Variants in CDC14B observed in about 807,000 individuals in gnomAD.
The protein encoded by CDC14B is cell division cycle 14B.
CDC14B carries 22 observed loss-of-function variants against 64.2 expected under a neutral mutation model. The observed-to-expected ratio is 0.34, with a 90% CI of 0.24 to 0.49. The LOEUF is 0.49. Among genes scored for constraint, CDC14B ranks in the 20% least tolerant of loss-of-function variants. The pLI is 0.99. For synonymous variants in CDC14B, 191 were observed against 215.8 expected (o/e 0.89, Z 1.01); for missense variants, 498 against 629.9 (o/e 0.79, Z 2.24).
At position 96,503,241 on chromosome 9, in the gene CDC14B, C is replaced by A; in HGVS notation, c.*512G>T. 1 of 236,090 alleles carries A rather than the reference C, an allele frequency of 4.2e-6. No individual in the cohort carries two copies. The highest frequency in any genetic ancestry group is 8.1e-6 in the Non-Finnish European group (1 of 123,840). 14.6% of individuals were successfully genotyped at this position (236,090 alleles called of 1,614,324 possible). A position where few individuals can be genotyped will look rare whatever the true frequency, so the allele number is the denominator to read the frequency against. ...GTACTTAACAGAGTTAACATTACAA[C>A]AGTATTACAAATAGTCAAGTGAAGA... On this transcript the variant is annotated 3_prime_UTR_variant, in exon 14 of 14. Coordinates refer to ENST00000375241, the MANE Select transcript of CDC14B (RefSeq NM_033331.4).
rs1270035257 is a variant in CDC14B, at chr9:96,564,773, T to C, written c.327+4A>G. On this transcript the variant is annotated splice_donor_region_variant and intron_variant, in intron 3 of 13. Coordinates refer to ENST00000375241, the MANE Select transcript of CDC14B (RefSeq NM_033331.4). ...TTACTTAAGTCAAATCTTAAAGACT[T>C]TACCTTTAATTTCTTATTGATCTTG... 1.3e-6 allele frequency: 2 copies of C among 1,566,578 alleles called. No individual in the cohort carries two copies. Among genetic ancestry groups the C allele is most frequent in the Non-Finnish European group, 1.7e-6 (2 of 1,146,196 alleles).
intron 1 of CDC14B, among the ~76,000 whole-genome samples, chr9:96,568,859 G>T (rs1221988034): frequency 6.6e-6 from 1 of 151,926 alleles, no homozygotes; most frequent in Non-Finnish European, 1.5e-5. Context: ...GGAGGTTGCA[G>T]TGAGCCAAGA....
intron 1 of CDC14B, chr9:96,566,949 A>T: frequency 6.7e-7 from 1 of 1,484,932 alleles, no homozygotes. Context: ...GCGCAGCGAC[A>T]CCCCTCGGCG....
chr9:96,578,882 G>A (rs572852714), intron 1 of CDC14B, among the ~76,000 whole-genome samples: 2 of 152,262 alleles, frequency 1.3e-5, no homozygotes, highest in South Asian at 2.1e-4. Flanking sequence ...GCAATGCCGC[G>A]ATCTCGGCTC....
At chr9:96,599,104 G>A (rs1319272660) in intron 1 of CDC14B, among the ~76,000 whole-genome samples, 1 of 152,188 alleles carries the variant, frequency 6.6e-6, no homozygotes, top group African/African-American at 2.4e-5. Context: ...TTAGAGCCGG[G>A]TGTGGTGGCT....
In CDC14B at chr9:96,566,632, G is replaced by A. The variant is rs1036608959; in HGVS notation, c.161-1149C>T. 5.0e-6 allele frequency: 4 copies of A among 804,876 alleles called. No homozygotes were observed. In the African/African-American group the frequency reaches 5.2e-5, roughly 10 times the overall value. 49.9% of individuals were successfully genotyped at this position (804,876 alleles called of 1,614,324 possible). A position where few individuals can be genotyped will look rare whatever the true frequency, so the allele number is the denominator to read the frequency against. On this transcript the variant is annotated intron_variant, in intron 1 of 13. Coordinates refer to ENST00000375241, the MANE Select transcript of CDC14B (RefSeq NM_033331.4). ...GCTGTAGCCCAGAGCCTGGGGACAA[G>A]TGCCGAGGCCACCCACACGCAGGAG...
intron 7 of CDC14B, among the ~76,000 whole-genome samples, chr9:96,538,403 T>C (rs1006777208): frequency 6.6e-6 from 1 of 152,034 alleles, no homozygotes; most frequent in Admixed American, 6.6e-5. Flanking sequence ...ATTGCTTCTG[T>C]AAGTGAAATG....
chr9:96,569,288 C>T (rs1478843108), intron 1 of CDC14B, among the ~76,000 whole-genome samples: 1 of 152,066 alleles, frequency 6.6e-6, no homozygotes, highest in Middle Eastern at 3.2e-3. Flanking sequence ...GGAAAATATC[C>T]TTCGTATGCA....
chr9:96,576,632 C>CAAAAA (rs11304216), intron 1 of CDC14B, among the ~76,000 whole-genome samples: 2 of 81,650 alleles, frequency 2.4e-5, no homozygotes, highest in Non-Finnish European at 4.9e-5. Context: ...GACTCCATCT[C>CAAAAA]AAAAAAAAAA....
chr9:96,595,321 G>A (rs1038822633), intron 1 of CDC14B, among the ~76,000 whole-genome samples: 3 of 152,120 alleles, frequency 2.0e-5, no homozygotes. Flanking sequence ...GTAAAATTCA[G>A]CATCCAGTCA....
chr9:96,544,045 T>C (rs948170820), intron 5 of CDC14B, among the ~76,000 whole-genome samples: 3 of 151,788 alleles, frequency 2.0e-5, no homozygotes, highest in African/African-American at 4.8e-5. Flanking sequence ...GGTGAAACCC[T>C]GTCTCTACTA....
At chr9:96,562,269 C>G (rs558785263) in intron 4 of CDC14B, among the ~76,000 whole-genome samples, 121 of 152,178 alleles carry the variant, frequency 8.0e-4, no homozygotes, top group Non-Finnish European at 1.4e-3. Flanking sequence ...TTAGAAAGCA[C>G]TTTTTAAAAA....
rs1587710431 is a variant in CDC14B at position 96,502,629 on chromosome 9, G to A, written c.*1124C>T. 9.1e-6 allele frequency: 3 copies of A among 330,096 alleles called. No individual in the cohort carries two copies. In the Admixed American group the frequency reaches 1.5e-4, roughly 17 times the overall value. 20.4% of individuals were successfully genotyped at this position (330,096 alleles called of 1,614,324 possible). A position where few individuals can be genotyped will look rare whatever the true frequency, so the allele number is the denominator to read the frequency against. On this transcript the variant is annotated 3_prime_UTR_variant, in exon 14 of 14. Coordinates refer to ENST00000375241, the MANE Select transcript of CDC14B (RefSeq NM_033331.4). The stretch of plus-strand genomic sequence containing the variant: ...TTTTTTTTAGCAGCACATCAATTCT[G>A]TTTCTGTAACTGCTTCATGGCACAG...
chr9:96,606,332 C>CAAAAAAAA (rs772460843), intron 1 of CDC14B, among the ~76,000 whole-genome samples: 5 of 21,052 alleles, frequency 2.4e-4, no homozygotes, highest in African/African-American at 5.4e-4. Context: ...GACTCCATCT[C>CAAAAAAAA]AAAAAAAAAA....
intron 7 of CDC14B, among the ~76,000 whole-genome samples, chr9:96,538,048 G>C (rs1225459553): frequency 6.6e-6 from 1 of 152,088 alleles, no homozygotes; most frequent in Non-Finnish European, 1.5e-5. Context: ...TAAGCTATTT[G>C]TGTTTACTTT....
intron 1 of CDC14B, among the ~76,000 whole-genome samples, chr9:96,616,747 A>T (rs1355795986): frequency 6.6e-6 from 1 of 152,018 alleles, no homozygotes; most frequent in Non-Finnish European, 1.5e-5. Flanking sequence ...AACTCATTTG[A>T]TAATGTTTGA....
chr9:96,553,089 C>T (rs1842036802), intron 4 of CDC14B, among the ~76,000 whole-genome samples: 1 of 152,146 alleles, frequency 6.6e-6, no homozygotes, highest in South Asian at 2.1e-4. Context: ...ATGTACTTAG[C>T]TGAACCCAAA....
intron 4 of CDC14B, among the ~76,000 whole-genome samples, chr9:96,552,416 A>G (rs536543806): frequency 7.9e-5 from 12 of 152,310 alleles, no homozygotes; most frequent in African/African-American, 2.9e-4. Context: ...CTATGCTTTG[A>G]CTTTAACCTG....
At chr9:96,546,937 C>T (rs929200603) in intron 5 of CDC14B, among the ~76,000 whole-genome samples, 5 of 152,018 alleles carry the variant, frequency 3.3e-5, no homozygotes, top group African/African-American at 9.7e-5. Context: ...TGGCAGGCGC[C>T]TGTAGTCCCA....
Sources: gnomAD v4.1 joint callset for allele counts (sites outside exome capture counted in the v4.1 genomes callset) on GRCh38, gnomAD v4.1.1 for gene constraint, MANE v1.5 for transcripts, NCBI Gene and HGNC (gene_info 2026-07-23, HGNC 2026-07-21) for gene names.